The following USP49 variants were observed in gnomAD, a reference collection of about 807,000 sequenced individuals.
USP49 encodes the protein ubiquitin carboxyl-terminal hydrolase 49.
A neutral mutation model predicts 58.6 loss-of-function variants in USP49; 24 were observed. The ratio of observed to expected loss-of-function variants is 0.41; its 90% CI spans 0.30 to 0.58. The LOEUF is 0.58. Among genes scored for constraint, USP49 ranks in the 20% least tolerant of loss-of-function variants. The probability of loss-of-function intolerance (pLI) is 0.30; values close to 1 mark genes in which losing one functional copy is unlikely to be tolerated. For missense variants in USP49, 703 were observed against 866.1 expected (o/e 0.81, Z 2.36); for synonymous variants, 408 against 365.1 (o/e 1.12, Z -1.34).
intron 3 of USP49, among the ~76,000 whole-genome samples, chr6:41,811,492 A>G (rs1240896949): frequency 6.6e-6 from 1 of 152,198 alleles, no homozygotes; most frequent in Non-Finnish European, 1.5e-5. Flanking sequence ...AGGGTTCGAT[A>G]CTATCTGTGG....
rs766355756 is a variant in USP49, at chr6:41,806,449, C to G, written c.535G>C (p.Glu179Gln). 4 of 1,591,652 alleles carry G rather than the reference C, an allele frequency of 2.5e-6. No individual in the cohort carries two copies. The highest frequency in any genetic ancestry group is 2.2e-5 in the East Asian group (1 of 44,812). The change falls in exon 4 of 8, where the codon GAG becomes CAG. Residue 179 changes from glutamate to glutamine, a missense_variant. This residue lies in a region of USP49 where 376 missense variants were observed against 373.5 expected (regional missense o/e 1.01). Transcript: ENST00000682992. The surrounding 1 kb of genome is among the most constrained non-coding windows in gnomAD (Gnocchi z 5.9). ...CTCCGCGCCTCCTCCTTCTTGCGCT[C>G]CAGGGCCTCCTCCTGCCGCCGCTGC... ...LEQRRQEEAL[E>Q]RKKEEARRRR...
intron 3 of USP49, among the ~76,000 whole-genome samples, chr6:41,867,553 C>G (rs1371423315): frequency 7.1e-6 from 1 of 140,066 alleles, no homozygotes; most frequent in Non-Finnish European, 1.5e-5. Flanking sequence ...ACCATCCTGG[C>G]TAATATGGTG....
chr6:41,835,003 G>C (rs1773701267), intron 3 of USP49, among the ~76,000 whole-genome samples: 1 of 152,178 alleles, frequency 6.6e-6, no homozygotes, highest in Non-Finnish European at 1.5e-5. Context: ...TGGAGAGATG[G>C]TAATAAGGAA....
chr6:41,791,269 A>G lies in USP49; in HGVS notation c.*5264T>C, dbSNP rs1232950196. 1.3e-5 allele frequency: 2 copies of G among 152,188 alleles called. No homozygotes were observed. Among genetic ancestry groups the G allele is most frequent in the Admixed American group, 6.5e-5 (1 of 15,284 alleles). The allele number at this position is 152,188 out of a possible 1,614,324, so 9.4% of individuals were successfully genotyped here. ...TGGTTGAGTAAGGATTCATTTATTTATTTATTAAATTTTTATACATTTTTG... is the reference window on the plus strand; with the variant it reads ...TGGTTGAGTAAGGATTCATTTATTTGTTTATTAAATTTTTATACATTTTTG... On this transcript the variant is annotated 3_prime_UTR_variant, in exon 8 of 8. Coordinates refer to ENST00000682992, the MANE Select transcript of USP49 (RefSeq NM_001286554.2).
intron 3 of USP49, among the ~76,000 whole-genome samples, chr6:41,847,498 G>A (rs1313049399): frequency 6.6e-6 from 1 of 152,078 alleles, no homozygotes; most frequent in Admixed American, 6.6e-5. Context: ...GGTGGATCAC[G>A]AGGTCAAGAG....
intron 2 of USP49, among the ~76,000 whole-genome samples, chr6:41,879,823 T>C (rs1171123613): frequency 6.6e-6 from 1 of 152,244 alleles, no homozygotes; most frequent in Non-Finnish European, 1.5e-5. Context: ...GGGATGAACC[T>C]GGTCAAGAGA....
chr6:41,866,976 A>T (rs558719115), intron 3 of USP49, among the ~76,000 whole-genome samples: 1 of 152,356 alleles, frequency 6.6e-6, no homozygotes, highest in South Asian at 2.1e-4. Context: ...GTAAAAAAAG[A>T]TGGAGAGAAA....
At chr6:41,888,641 C>T (rs1158061894) in intron 2 of USP49, among the ~76,000 whole-genome samples, 2 of 151,772 alleles carry the variant, frequency 1.3e-5, no homozygotes, top group Admixed American at 6.6e-5. Flanking sequence ...TTAGTAGAGA[C>T]GGGGTTTCTC....
intron 3 of USP49, among the ~76,000 whole-genome samples, chr6:41,819,799 T>C (rs1297353921): frequency 1.3e-5 from 2 of 152,192 alleles, no homozygotes; most frequent in Admixed American, 1.3e-4. Context: ...ATAGCAGCAT[T>C]ACCTATTATA....
chr6:41,891,380 A>C (rs1774808024), intron 2 of USP49, among the ~76,000 whole-genome samples: 1 of 152,248 alleles, frequency 6.6e-6, no homozygotes, highest in South Asian at 2.1e-4. Flanking sequence ...ATGTCTGAGT[A>C]TAACCTTGGG....
At chr6:41,814,416 T>C (rs915783265) in intron 3 of USP49, among the ~76,000 whole-genome samples, 2 of 152,230 alleles carry the variant, frequency 1.3e-5, no homozygotes, top group Non-Finnish European at 2.9e-5. Context: ...GAAAAACTTC[T>C]AGATTTATCA....
At chr6:41,837,019 A>C (rs368763645) in intron 3 of USP49, among the ~76,000 whole-genome samples, 19 of 152,216 alleles carry the variant, frequency 1.2e-4, no homozygotes, top group African/African-American at 4.1e-4. Context: ...ATATTGTTTA[A>C]ATGGTCATAC....
chr6:41,842,363 ACT>A (rs199723878), intron 3 of USP49, among the ~76,000 whole-genome samples: 2,078 of 152,146 alleles, frequency 0.014, 25 homozygotes, highest in South Asian at 0.032. Flanking sequence ...ACAGAGTAAG[ACT>A]CTGTCTCAAA....
chr6:41,807,845 C>G (rs1302043045), intron 3 of USP49, among the ~76,000 whole-genome samples: 1 of 151,750 alleles, frequency 6.6e-6, no homozygotes, highest in Non-Finnish European at 1.5e-5. Context: ...GCAGTCTCAG[C>G]TCACTGCAAC....
At chr6:41,819,756 T>G (rs538744195) in intron 3 of USP49, among the ~76,000 whole-genome samples, 1 of 152,204 alleles carries the variant, frequency 6.6e-6, no homozygotes, top group Non-Finnish European at 1.5e-5. Flanking sequence ...CTAGGGCAAC[T>G]AGACCTCCCT....
At chr6:41,879,840 C>G (rs1774572415) in intron 2 of USP49, among the ~76,000 whole-genome samples, 1 of 152,202 alleles carries the variant, frequency 6.6e-6, no homozygotes, top group Admixed American at 6.5e-5. Flanking sequence ...GAGAAAAGCA[C>G]AAATACTGAC....
At chr6:41,833,370 A>G (rs1420323238) in intron 3 of USP49, among the ~76,000 whole-genome samples, 4 of 152,144 alleles carry the variant, frequency 2.6e-5, no homozygotes, top group Non-Finnish European at 5.9e-5. Flanking sequence ...AGATTCATAT[A>G]GTCTTCAATA....
At chr6:41,829,533 G>C (rs1032941701) in intron 3 of USP49, among the ~76,000 whole-genome samples, 1 of 152,138 alleles carries the variant, frequency 6.6e-6, no homozygotes, top group Non-Finnish European at 1.5e-5. Flanking sequence ...GGCTGGTCTT[G>C]AACTCCTGAC....
At chr6:41,894,991 C>A (rs1380803952) in intron 1 of USP49, among the ~76,000 whole-genome samples, 1 of 150,452 alleles carries the variant, frequency 6.6e-6, no homozygotes, top group Non-Finnish European at 1.5e-5. Flanking sequence ...CAAAATAAGG[C>A]GCCCGCGCGC....
Sources: gnomAD v4.1 joint callset for allele counts (sites outside exome capture counted in the v4.1 genomes callset) on GRCh38, gnomAD v4.1.1 for gene constraint, gnomAD v4.1.1 regional missense constraint, Gnocchi (gnomAD v3.1) non-coding constraint, MANE v1.5 for transcripts, NCBI Gene and HGNC (gene_info 2026-07-23, HGNC 2026-07-21) for gene names.